The following CFAP251 variants were observed in gnomAD, a reference collection of about 807,000 sequenced individuals.
The protein encoded by CFAP251 is cilia- and flagella-associated protein 251.
In CFAP251, 93 loss-of-function variants were observed where a neutral mutation model predicts 126.7. That is an observed-to-expected ratio of 0.73 (90% confidence interval 0.62 to 0.87). CFAP251 has a LOEUF of 0.87. CFAP251 is among the 40% of genes least tolerant of loss of function. The pLI is 0.00. For synonymous variants in CFAP251, 503 were observed against 506.9 expected, an observed-to-expected ratio of 0.99 and a Z score of 0.10; for missense variants, 1,287 against 1,389.2, an observed-to-expected ratio of 0.93 and a Z score of 1.17.
At chr12:121,973,140 GT>G (rs1882378136) in intron 17 of CFAP251, among the ~76,000 whole-genome samples, 1 of 152,176 alleles carries the variant, frequency 6.6e-6, no homozygotes, top group Non-Finnish European at 1.5e-5. Context: ...TAGGGACTTG[GT>G]GCCCGGCATC....
At position 121,974,660 on chromosome 12, in the gene CFAP251, G is replaced by T. The variant is rs192555615; in HGVS notation, c.2772-584G>T. The stretch of plus-strand genomic sequence containing the variant: ...AATGATTTCTGATGATTAGCCTTTT[G>T]TAGGAGGCAAAGTTGGTCTCATACA... On this transcript the variant is annotated intron_variant, in intron 17 of 21. Coordinates refer to ENST00000288912, the MANE Select transcript of CFAP251 (RefSeq NM_144668.6). This position sits in a 1 kb window ranked among gnomAD's most constrained non-coding sequence, Gnocchi z 4.6. Among the ~76,000 whole-genome samples, 694 of 152,320 alleles carry T rather than the reference G, an allele frequency of 4.6e-3. 3 individuals are homozygous for T. Among genetic ancestry groups the T allele is most frequent in the Non-Finnish European group, 7.6e-3 (520 of 68,026 alleles).
At chr12:121,941,920 C>T (rs943211036) in intron 5 of CFAP251, among the ~76,000 whole-genome samples, 2 of 152,026 alleles carry the variant, frequency 1.3e-5, no homozygotes, top group African/African-American at 2.4e-5. Context: ...GGAGAGTGCC[C>T]GATTCCCTGA....
rs143597022 is a variant in CFAP251 at position 121,949,283 on chromosome 12, G to C, written c.1269+222G>C. ...ATTTTATTTATTAAATTTTATTGAA[G>C]TAATGAGGCAAATGTTTATTTGAAT... On this transcript the variant is annotated intron_variant, in intron 8 of 21. Transcript: ENST00000288912. 2.2e-4 allele frequency: 59 copies of C among 267,160 alleles called. No individual in the cohort carries two copies. In the East Asian group the frequency reaches 3.9e-3, roughly 17 times the overall value. 16.5% of individuals were successfully genotyped at this position (267,160 alleles called of 1,614,324 possible). A position where few individuals can be genotyped will look rare whatever the true frequency, so the allele number is the denominator to read the frequency against.
At position 121,931,871 on chromosome 12, in the gene CFAP251, T is replaced by C; in HGVS notation, c.873T>C (p.Asn291=). Residue 291 remains asparagine (N), a synonymous_variant, in exon 4 of 22, where the codon AAT becomes AAC. Coordinates refer to ENST00000288912, the MANE Select transcript of CFAP251 (RefSeq NM_144668.6). The part of the protein sequence containing the change: ...TAIIYNVFRN[N]QYHLQGHANI... ...TCATCTACAACGTGTTCAGGAACAATCAATACCACCTTCAGGTATGCAGGG... is the reference window on the plus strand; with the variant it reads ...TCATCTACAACGTGTTCAGGAACAACCAATACCACCTTCAGGTATGCAGGG... 2 of 1,573,596 alleles carry C rather than the reference T, an allele frequency of 1.3e-6. No homozygotes were observed. Among genetic ancestry groups the C allele is most frequent in the South Asian group, 1.2e-5 (1 of 84,062 alleles).
At chr12:121,945,365 A>G (rs546616822) in intron 7 of CFAP251, among the ~76,000 whole-genome samples, 1 of 149,814 alleles carries the variant, frequency 6.7e-6, no homozygotes, top group African/African-American at 2.5e-5. Flanking sequence ...TTTTTTTGAG[A>G]TGGAGTCTCA....
chr12:121,934,678 A>AT (rs1227721330), intron 5 of CFAP251, among the ~76,000 whole-genome samples: 22 of 152,100 alleles, frequency 1.4e-4, no homozygotes, highest in African/African-American at 5.1e-4. Flanking sequence ...CATTCCATAC[A>AT]TTTCTTGTTG....
chr12:121,926,344 T>A lies in CFAP251; in HGVS notation c.747+2354T>A, dbSNP rs1880414265. On this transcript the variant is annotated intron_variant, in intron 3 of 21. Transcript: ENST00000288912. Reference sequence around the variant, plus strand: ...ATTATTTTTTTCTTTTTGTTTATTTTGAGACAGGCTCTCACTCTATCACCC... The same window carrying A: ...ATTATTTTTTTCTTTTTGTTTATTTAGAGACAGGCTCTCACTCTATCACCC... 2.6e-5 allele frequency among the ~76,000 whole-genome samples: 4 copies of A among 152,002 alleles called. No individual in the cohort carries two copies. The South Asian group carries it at 8.3e-4, about 32-fold the overall frequency.
At chr12:121,959,953 C>CA (rs1024400605) in intron 13 of CFAP251, among the ~76,000 whole-genome samples, 105 of 151,818 alleles carry the variant, frequency 6.9e-4, no homozygotes, top group African/African-American at 2.4e-3. Context: ...GTGAGACACC[C>CA]CCCATCTCTA....
intron 15 of CFAP251, 42 bp from the exon 16 acceptor site, chr12:121,966,913 G>C: frequency 6.3e-7 from 1 of 1,585,048 alleles, no homozygotes; most frequent in South Asian, 1.1e-5. Flanking sequence ...CCTATGTTGA[G>C]ATTTGTGGAA....
At chr12:121,923,429 G>A in intron 2 of CFAP251, among the ~76,000 whole-genome samples, 193 bp from the exon 3 acceptor site, 1 of 152,288 alleles carries the variant, frequency 6.6e-6, no homozygotes, top group South Asian at 2.1e-4. Flanking sequence ...AAAGTGTTGG[G>A]ATTACAGGGG....
At chr12:121,962,192 G>A (rs764263331) in intron 15 of CFAP251, 30 bp downstream of exon 15, 2 of 1,601,268 alleles carry the variant, frequency 1.2e-6, no homozygotes, top group South Asian at 1.1e-5. Flanking sequence ...CATTGCAGGG[G>A]GCGTGGATCA....
At chr12:121,939,419 A>G (rs1881018058) in intron 5 of CFAP251, among the ~76,000 whole-genome samples, 1 of 152,128 alleles carries the variant, frequency 6.6e-6, no homozygotes, top group African/African-American at 2.4e-5. Flanking sequence ...CATGCAGTAG[A>G]AGCCTGCAGT....
chr12:121,973,996 A>G (rs1342116934), intron 17 of CFAP251, among the ~76,000 whole-genome samples: 1 of 152,194 alleles, frequency 6.6e-6, no homozygotes, highest in Non-Finnish European at 1.5e-5. Context: ...CAGAGGCGGA[A>G]TGATATGGTT....
intron 7 of CFAP251, among the ~76,000 whole-genome samples, chr12:121,943,210 G>T (rs1881194274): frequency 6.6e-6 from 1 of 152,024 alleles, no homozygotes; most frequent in Admixed American, 6.5e-5. Flanking sequence ...CTACTTGGAA[G>T]ACTGAGGCAT....
At position 121,921,471 on chromosome 12, in the gene CFAP251, A is replaced by G; in HGVS notation, c.166A>G (p.Lys56Glu). ...GAGAGAGTCTCAGGAGGAGGAGAGG[A>G]AAACGGGCGAGGAGGAAGGGGAGGA... Reference protein sequence around the residue: ...AWRESQEEERKTGEEEGEEEG... With the variant: ...AWRESQEEERETGEEEGEEEG... The change falls in exon 2 of 22, where the codon AAA (lysine) becomes GAA (glutamate). Residue 56 changes from lysine to glutamate, a missense_variant. Transcript: ENST00000288912. 1 of 911,882 alleles carries G rather than the reference A, an allele frequency of 1.1e-6. No homozygotes were observed. The highest frequency in any genetic ancestry group is 1.6e-6 in the Non-Finnish European group (1 of 614,624). The allele number at this position is 911,882 out of a possible 1,614,324, so 56.5% of individuals were successfully genotyped here.
Position 121,968,039 on chromosome 12 carries a change from C to T in CFAP251, c.2641C>T (p.Pro881Ser). The change falls in exon 17 of 22, where the codon CCA becomes TCA. Residue 881 changes from proline (P) to serine (S), a missense_variant. Transcript: ENST00000288912. ...TCAGATCTTACCAGTTGACGGCAAT[C>T]CACATAAGACATCTGCTATTGTTTG... ...GLQILPVDGN[P>S]HKTSAIVCHP... 1 of 1,611,838 alleles carries T rather than the reference C, an allele frequency of 6.2e-7. No homozygotes were observed. Among genetic ancestry groups the T allele is most frequent in the Admixed American group, 1.7e-5 (1 of 59,932 alleles).
At chr12:121,973,123 TGCTGCCTAG>T (rs1882377251) in intron 17 of CFAP251, among the ~76,000 whole-genome samples, 1 of 152,218 alleles carries the variant, frequency 6.6e-6, no homozygotes, top group Non-Finnish European at 1.5e-5. Context: ...TCATGCTGTG[TGCTGCCTAG>T]GGACTTGGTG....
chr12:121,921,126 GGCATGA>G lies in CFAP251; in HGVS notation c.-20-157_-20-152del, dbSNP rs1880152263. 2.0e-5 allele frequency among the ~76,000 whole-genome samples: 3 copies of G among 152,326 alleles called. No individual in the cohort carries two copies. The South Asian group carries it at 6.2e-4, about 32-fold the overall frequency. ...GGCCTCCCATAGTGCTGGGATTACA[GGCATGA>G]GCCACCGTGCCTGGTCAGAAACATG... On this transcript the variant is annotated intron_variant, in intron 1 of 21. Transcript: ENST00000288912.
chr12:121,952,925 C>T (rs1203553179), intron 9 of CFAP251: 2 of 152,120 alleles, frequency 1.3e-5, no homozygotes, highest in Non-Finnish European at 2.9e-5. Flanking sequence ...TTAGCAGATA[C>T]TTAACTATTG....
Sources: gnomAD v4.1 joint callset for allele counts (sites outside exome capture counted in the v4.1 genomes callset) on GRCh38, gnomAD v4.1.1 for gene constraint, Gnocchi (gnomAD v3.1) non-coding constraint, MANE v1.5 for transcripts, NCBI Gene and HGNC (gene_info 2026-07-23, HGNC 2026-07-21) for gene names.